Variants in AP3M1 observed in about 807,000 individuals in gnomAD.
AP3M1 encodes AP-3 complex subunit mu-1.
A neutral mutation model predicts 42.6 loss-of-function variants in AP3M1; 29 were observed. That is an observed-to-expected ratio of 0.68 (90% confidence interval 0.51 to 0.93). The LOEUF (loss-of-function observed/expected upper bound fraction) is 0.93, where lower values mean the gene tolerates loss of function less well. Among genes scored for constraint, AP3M1 ranks in the 40% least tolerant of loss-of-function variants. The probability of loss-of-function intolerance (pLI) is 0.00; values close to 1 mark genes in which losing one functional copy is unlikely to be tolerated. For missense variants in AP3M1, 416 were observed against 510.2 expected (o/e 0.82, Z 1.78); for synonymous variants, 178 against 175.3 (o/e 1.02, Z -0.12).
Position 74,140,669 on chromosome 10 carries a change from C to T in AP3M1, c.-3-2287G>A, listed in dbSNP as rs922466532. Among the ~76,000 whole-genome samples the T allele has an allele frequency of 4.6e-5, 7 of 151,314 alleles. No homozygotes were observed. In the East Asian group the frequency reaches 9.7e-4, roughly 21 times the overall value. On this transcript the variant is annotated intron_variant, in intron 1 of 8. Coordinates refer to ENST00000355264, the MANE Select transcript of AP3M1 (RefSeq NM_012095.6). ...TGCTTCCTGATTTCAAAACTTACTA[C>T]AAAACTACTATGTGGTATTGGCACA...
chr10:74,148,243 G>C (rs1044197206), intron 1 of AP3M1, among the ~76,000 whole-genome samples: 1 of 152,142 alleles, frequency 6.6e-6, no homozygotes, highest in African/African-American at 2.4e-5. Context: ...ACATAGGAGA[G>C]AGGGAAAAAC....
intron 8 of AP3M1, 56 bp downstream of exon 8, chr10:74,124,324 A>G: frequency 1.9e-6 from 3 of 1,556,300 alleles, no homozygotes; most frequent in Non-Finnish European, 2.6e-6. Context: ...TAAATGCCTA[A>G]TAAATGAGCT....
intron 3 of AP3M1, 112 bp downstream of exon 3, chr10:74,136,520 T>C (rs925323253): frequency 1.2e-6 from 1 of 843,492 alleles, no homozygotes; most frequent in South Asian, 4.5e-5. Flanking sequence ...ACCAGTAACT[T>C]TAATTATGGC....
intron 1 of AP3M1, among the ~76,000 whole-genome samples, chr10:74,150,113 AT>A (rs1001462081): frequency 3.9e-5 from 6 of 152,090 alleles, no homozygotes; most frequent in East Asian, 1.9e-4. Flanking sequence ...AATTCTCATA[AT>A]TTTTTTTAAA....
At chr10:74,145,444 T>C (rs1232209340) in intron 1 of AP3M1, among the ~76,000 whole-genome samples, 2 of 152,330 alleles carry the variant, frequency 1.3e-5, no homozygotes, top group African/African-American at 2.4e-5. Context: ...CCTTCTATAA[T>C]AGGAAAAGAG....
rs889781485 is a variant in AP3M1, at chr10:74,150,775, G to A, written c.-24C>T. On this transcript the variant is annotated 5_prime_UTR_variant, in exon 1 of 9. Coordinates refer to ENST00000355264, the MANE Select transcript of AP3M1 (RefSeq NM_012095.6). ...CTCACCCCAACACCTGTGCCAGTCA[G>A]TGATTCGGCGCCGGATCCTCTCCTA... 1.1e-5 allele frequency: 2 copies of A among 180,104 alleles called. No homozygotes were observed. The highest frequency in any genetic ancestry group is 2.9e-4 in the East Asian group (2 of 6,846). The allele number at this position is 180,104 out of a possible 1,614,324, so 11.2% of individuals were successfully genotyped here. A position where few individuals can be genotyped will look rare whatever the true frequency, so the allele number is the denominator to read the frequency against.
At position 74,138,320 on chromosome 10, in the gene AP3M1, C is replaced by G; in HGVS notation, c.60G>C (p.Trp20Cys). 6.2e-7 allele frequency: 1 copy of G among 1,614,098 alleles called. No individual in the cohort carries two copies. The highest frequency in any genetic ancestry group is 8.5e-7 in the Non-Finnish European group (1 of 1,180,008). Reference protein sequence around the residue: ...CSGDIFLEKHWKSVVSQSVCD... With the variant: ...CSGDIFLEKHCKSVVSQSVCD... ...AGACAGACTGGCTCACAACGCTCTT[C>G]CAGTGCTTCTCTAGAAATATGTCAC... The change falls in exon 2 of 9, where the codon TGG becomes TGC. Residue 20 changes from tryptophan (W) to cysteine (C), a missense_variant. By Grantham distance (215) the Trp-to-Cys change is radical. Coordinates refer to ENST00000355264, the MANE Select transcript of AP3M1 (RefSeq NM_012095.6).
intron 4 of AP3M1, 143 bp downstream of exon 4, chr10:74,133,884 A>C: frequency 4.4e-6 from 4 of 906,594 alleles, no homozygotes; most frequent in Non-Finnish European, 4.9e-6. Context: ...TCGAACTCTG[A>C]CCTCATGTTC....
intron 1 of AP3M1, among the ~76,000 whole-genome samples, chr10:74,150,136 ATCT>A (rs1841504517): frequency 6.6e-6 from 1 of 152,168 alleles, no homozygotes. Context: ...TCTTTCTACA[ATCT>A]CCATGTAAAC....
intron 1 of AP3M1, among the ~76,000 whole-genome samples, chr10:74,142,859 A>G (rs1841199761): frequency 6.6e-6 from 1 of 152,250 alleles, no homozygotes; most frequent in African/African-American, 2.4e-5. Context: ...AAACAGGAAT[A>G]TCCAACCATA....
intron 1 of AP3M1, among the ~76,000 whole-genome samples, chr10:74,142,966 C>A (rs1841204199): frequency 6.6e-6 from 1 of 152,188 alleles, no homozygotes; most frequent in African/African-American, 2.4e-5. Context: ...GCACTGTAAT[C>A]CACAAGCAGA....
chr10:74,146,591 C>T (rs1272463667), intron 1 of AP3M1, among the ~76,000 whole-genome samples: 7 of 152,008 alleles, frequency 4.6e-5, no homozygotes, highest in African/African-American at 1.7e-4. Context: ...TGTCACTTGG[C>T]CTGGTCCTGT....
rs543820760 is a variant in AP3M1 at position 74,124,161 on chromosome 10, C to G, written c.1156+219G>C. Among the ~76,000 whole-genome samples, 5 of 152,214 alleles carry G rather than the reference C, an allele frequency of 3.3e-5. No homozygotes were observed. In the South Asian group the frequency reaches 1.0e-3, roughly 32 times the overall value. On this transcript the variant is annotated intron_variant, in intron 8 of 8. Transcript: ENST00000355264. ...AATATGAATAACTCTCTTTTTGGTG[C>G]TTAAATGAGGGCGGAGGTGAGGGGA...
At chr10:74,138,002 G>T in intron 2 of AP3M1, 105 bp downstream of exon 2, 2 of 1,200,036 alleles carry the variant, frequency 1.7e-6, no homozygotes, top group East Asian at 2.5e-5. Context: ...AACAGAGAGA[G>T]ACAGACAGTA....
At chr10:74,124,069 G>A (rs1027691601) in intron 8 of AP3M1, among the ~76,000 whole-genome samples, 159 bp from the exon 9 acceptor site, 2 of 152,280 alleles carry the variant, frequency 1.3e-5, no homozygotes, top group Non-Finnish European at 1.5e-5. Context: ...CACTTTGATG[G>A]TATGGTTTTG....
rs57279906 is a variant in AP3M1 at position 74,149,267 on chromosome 10, GTTTTTTTTTTTTTTTTTTTT to G, written c.-4+1468_-4+1487del. On this transcript the variant is annotated intron_variant, in intron 1 of 8. Coordinates refer to ENST00000355264, the MANE Select transcript of AP3M1 (RefSeq NM_012095.6). ...GAGAGCTTTCCTAAAGATACGTAAG[GTTTTTTTTTTTTTTTTTTTT>G]TTTTTTTTTTTTTTTTTTTCGAGGC... 5.2e-3 allele frequency among the ~76,000 whole-genome samples: 310 copies of G among 60,084 alleles called. 8 individuals carry two copies. Among genetic ancestry groups the G allele is most frequent in the African/African-American group, 0.016 (268 of 16,366 alleles). The allele number at this position is 60,084 out of a possible 152,430, so 39.4% of individuals were successfully genotyped here. A position where few individuals can be genotyped will look rare whatever the true frequency, so the allele number is the denominator to read the frequency against.
intron 4 of AP3M1, among the ~76,000 whole-genome samples, chr10:74,133,826 T>C (rs1406326863): frequency 2.6e-5 from 4 of 151,966 alleles, no homozygotes; most frequent in East Asian, 1.9e-4. Flanking sequence ...GGCTAATTTT[T>C]TGTATCTTTA....
intron 1 of AP3M1, among the ~76,000 whole-genome samples, chr10:74,149,154 A>G (rs1703531098): frequency 6.6e-6 from 1 of 151,728 alleles, no homozygotes; most frequent in Non-Finnish European, 1.5e-5. Flanking sequence ...TACAGGCATG[A>G]GCCCTACCGT....
In AP3M1 at chr10:74,137,795, GAGA is replaced by G. The variant is rs146306179; in HGVS notation, c.273+309_273+311del. On this transcript the variant is annotated intron_variant, in intron 2 of 8. Coordinates refer to ENST00000355264, the MANE Select transcript of AP3M1 (RefSeq NM_012095.6). ...TATACTGTATTGTTCAAGTAATAAT[GAGA>G]AGAAGTTTGTACATGTTCAGTTCGA... Among the ~76,000 whole-genome samples, 696 of 152,312 alleles carry G rather than the reference GAGA, an allele frequency of 4.6e-3. 2 individuals are homozygous for G. The highest frequency in any genetic ancestry group is 0.016 in the African/African-American group (654 of 41,568).
Sources: allele counts gnomAD v4.1 joint callset (sites outside exome capture counted in the v4.1 genomes callset), GRCh38; gene constraint gnomAD v4.1.1; transcripts MANE v1.5; gene names NCBI Gene and HGNC (gene_info 2026-07-23, HGNC 2026-07-21).